Variants in NBAS observed in about 807,000 individuals in gnomAD.
The protein encoded by NBAS is NBAS subunit of NRZ tethering complex.
In NBAS, 219 loss-of-function variants were observed where a neutral mutation model predicts 302.5. The ratio of observed to expected loss-of-function variants is 0.72; its 90% CI spans 0.65 to 0.81. The LOEUF (loss-of-function observed/expected upper bound fraction) is 0.81. NBAS is among the 30% of genes least tolerant of loss of function. NBAS has a pLI of 0.00. For synonymous variants in NBAS, 1,118 were observed against 1,021.6 expected (o/e 1.09, Z -1.80); for missense variants, 2,932 against 2,841.6 (o/e 1.03, Z -0.72).
At chr2:15,403,899 G>GTGTGTC (rs1302018829) in intron 25 of NBAS, among the ~76,000 whole-genome samples, 2 of 129,686 alleles carry the variant, frequency 1.5e-5, no homozygotes, top group Admixed American at 1.7e-4. Flanking sequence ...GTGTGTGTGT[G>GTGTGTC]TCTATACACT....
At chr2:15,405,742 G>A (rs900840030) in intron 25 of NBAS, among the ~76,000 whole-genome samples, 1 of 152,044 alleles carries the variant, frequency 6.6e-6, no homozygotes, top group South Asian at 2.1e-4. Flanking sequence ...TGAAGTAGCA[G>A]AATACAAAAC....
chr2:15,358,843 G>C (rs542067355), intron 32 of NBAS, among the ~76,000 whole-genome samples: 4 of 152,042 alleles, frequency 2.6e-5, no homozygotes, highest in Admixed American at 2.6e-4. Context: ...TTAAATTTTT[G>C]ACTTTTTTTC....
chr2:15,400,127 C>G (rs963983631), intron 26 of NBAS, among the ~76,000 whole-genome samples: 5 of 151,354 alleles, frequency 3.3e-5, no homozygotes, highest in Admixed American at 6.6e-5. Flanking sequence ...GAGAGAGAGG[C>G]AAACGAAGTC....
chr2:15,050,413 G>C, the NBAS span, among the ~76,000 whole-genome samples: 1 of 151,984 alleles, frequency 6.6e-6, no homozygotes, highest in South Asian at 2.1e-4. Flanking sequence ...TTTTAGAAGG[G>C]AATGGAGTGC....
chr2:15,342,329 C>T (rs984163732), intron 35 of NBAS, among the ~76,000 whole-genome samples: 11 of 151,918 alleles, frequency 7.2e-5, no homozygotes, highest in Non-Finnish European at 1.6e-4. Flanking sequence ...ATAAATCAAA[C>T]AATAAATCAT....
the NBAS span, among the ~76,000 whole-genome samples, chr2:14,929,818 T>C: frequency 6.6e-6 from 1 of 152,144 alleles, no homozygotes; most frequent in Non-Finnish European, 1.5e-5. Context: ...TATAGGATGG[T>C]ATGGTTTGGC....
chr2:15,218,971 G>C lies in NBAS; in HGVS notation c.6237-3C>G, dbSNP rs753196209. On this transcript the variant is annotated splice_region_variant and splice_polypyrimidine_tract_variant and intron_variant, in intron 47 of 51. Transcript: ENST00000281513. ...CCTCAGGTGAAACCAGCTCCTCACTGCAGGGCAAAATCCAGAGGTATCTGT... is the reference window on the plus strand; with the variant it reads ...CCTCAGGTGAAACCAGCTCCTCACTCCAGGGCAAAATCCAGAGGTATCTGT... The C allele has an allele frequency of 8.1e-6, 13 of 1,614,212 alleles. No individual in the cohort carries two copies. The South Asian group carries it at 1.4e-4, about 18-fold the overall frequency.
intron 42 of NBAS, among the ~76,000 whole-genome samples, chr2:15,277,670 T>C (rs1474547799): frequency 6.6e-6 from 1 of 152,220 alleles, no homozygotes; most frequent in Non-Finnish European, 1.5e-5. Flanking sequence ...TCACTTGGGT[T>C]ATCTGCAGTA....
At chr2:15,265,294 G>A (rs1265627230) in intron 44 of NBAS, among the ~76,000 whole-genome samples, 1 of 152,132 alleles carries the variant, frequency 6.6e-6, no homozygotes, top group East Asian at 1.9e-4. Context: ...TTTGAAAAAG[G>A]AATTGGATAT....
At chr2:15,502,827 A>G (rs1661643763) in intron 11 of NBAS, among the ~76,000 whole-genome samples, 1 of 152,180 alleles carries the variant, frequency 6.6e-6, no homozygotes, top group South Asian at 2.1e-4. Context: ...TCTTTCCTCA[A>G]TAATAAATTA....
chr2:14,997,738 G>GGAGTCTATATTCCTTGACC, the NBAS span, among the ~76,000 whole-genome samples: 1 of 151,992 alleles, frequency 6.6e-6, no homozygotes, highest in Non-Finnish European at 1.5e-5. Context: ...TCTTATAACT[G>GGAGTCTATATTCCTTGACC]GAGTCTATAT....
intron 6 of NBAS, among the ~76,000 whole-genome samples, chr2:15,545,306 T>C (rs1387958176): frequency 6.6e-6 from 1 of 152,084 alleles, no homozygotes; most frequent in Non-Finnish European, 1.5e-5. Context: ...AAATCCTGTA[T>C]GCAGAAGAAA....
At chr2:14,878,899 C>T in the NBAS span, among the ~76,000 whole-genome samples, 1 of 152,014 alleles carries the variant, frequency 6.6e-6, no homozygotes, top group Non-Finnish European at 1.5e-5. Flanking sequence ...ATGTGTCGAC[C>T]ATTATAGCAT....
At chr2:14,985,757 G>T in the NBAS span, among the ~76,000 whole-genome samples, 48 of 152,114 alleles carry the variant, frequency 3.2e-4, no homozygotes, top group African/African-American at 1.1e-3. Context: ...TACATACATG[G>T]CTTCCACTTT....
At chr2:14,887,432 T>TGTCC in the NBAS span, among the ~76,000 whole-genome samples, 1 of 141,934 alleles carries the variant, frequency 7.0e-6, no homozygotes, top group African/African-American at 2.8e-5. Context: ...GGCTCTAGAA[T>TGTCC]GTCCTTTGCT....
At chr2:15,521,657 G>A (rs545468354) in intron 9 of NBAS, among the ~76,000 whole-genome samples, 38 of 152,224 alleles carry the variant, frequency 2.5e-4, no homozygotes, top group Non-Finnish European at 4.9e-4. Flanking sequence ...GCAAAGCACC[G>A]TGCTGCTGAG....
At chr2:14,791,612 G>A in the NBAS span, among the ~76,000 whole-genome samples, 1 of 151,900 alleles carries the variant, frequency 6.6e-6, no homozygotes, top group African/African-American at 2.4e-5. Context: ...GACCAGTCTG[G>A]CAAATATGGT....
chr2:15,329,874 C>G (rs937435592), intron 36 of NBAS, among the ~76,000 whole-genome samples: 2 of 152,314 alleles, frequency 1.3e-5, no homozygotes, highest in East Asian at 1.9e-4. Context: ...CTTATGTTAT[C>G]TCTGTCATGC....
chr2:15,093,926 C>T, the NBAS span, among the ~76,000 whole-genome samples: 1 of 152,060 alleles, frequency 6.6e-6, no homozygotes, highest in Non-Finnish European at 1.5e-5. Context: ...ATGGGTGATT[C>T]TCATAATACT....
Sources: allele counts gnomAD v4.1 joint callset (sites outside exome capture counted in the v4.1 genomes callset), GRCh38; gene constraint gnomAD v4.1.1; transcripts MANE v1.5; gene names NCBI Gene and HGNC (gene_info 2026-07-23, HGNC 2026-07-21).